Variants in DLGAP2 observed in about 807,000 individuals in gnomAD.
DLGAP2 encodes disks large-associated protein 2.
Under a neutral mutation model 100.3 loss-of-function variants are expected in DLGAP2, and 26 were observed. That is an observed-to-expected ratio of 0.26 (90% CI 0.19 to 0.36). The LOEUF is 0.36. Ranked by LOEUF, DLGAP2 falls within the 10% of genes least tolerant of loss-of-function variation. DLGAP2 has a pLI of 1.00. For missense variants in DLGAP2, 1,858 were observed against 1,453.2 expected (o/e 1.28, Z -4.53); for synonymous variants, 886 against 630.1 (o/e 1.41, Z -6.08).
At position 1,524,749 on chromosome 8, in the gene DLGAP2, C is replaced by T. The variant is rs183467218; in HGVS notation, c.172+23318C>T. 3.8e-4 allele frequency among the ~76,000 whole-genome samples: 58 copies of T among 152,230 alleles called. 1 individual carries two copies. The East Asian group carries it at 0.01, about 27-fold the overall frequency. On this transcript the variant is annotated intron_variant, in intron 4 of 14. Transcript: ENST00000637795. ...CAGTGAGAGGGACACAGTCATCGGA[C>T]CAGCTTACAGTCTTCCCACCGCCTT...
chr8:1,683,876 GT>G (rs1766026558), intron 12 of DLGAP2, among the ~76,000 whole-genome samples: 1 of 103,592 alleles, frequency 9.7e-6, no homozygotes, highest in Non-Finnish European at 1.9e-5. Context: ...GTGTGTGTGT[GT>G]GTGTGTGTGT....
intron 2 of DLGAP2, among the ~76,000 whole-genome samples, chr8:1,231,831 G>T (rs1281481545): frequency 6.6e-6 from 1 of 152,150 alleles, no homozygotes; most frequent in African/African-American, 2.4e-5. Flanking sequence ...GGGAGGAAGT[G>T]TTGGAAAACT....
At position 1,187,988 on chromosome 8, in the gene DLGAP2, T is replaced by C. The variant is rs113119724; in HGVS notation, c.74-70863T>C. On this transcript the variant is annotated intron_variant, in intron 2 of 14. Transcript: ENST00000637795. ...CGGAATCTCAAACGCCTGGGACCTC[T>C]GTGACGTTTGCCTCACGGAATCTCA... is the stretch of plus-strand genomic sequence containing the variant. Among the ~76,000 whole-genome samples, 85 of 104,610 alleles carry C rather than the reference T, an allele frequency of 8.1e-4. 7 individuals are homozygous for C. The highest frequency in any genetic ancestry group is 3.1e-3 in the African/African-American group (53 of 17,238). The allele number at this position is 104,610 out of a possible 152,430, so 68.6% of individuals were successfully genotyped here. A position where few individuals can be genotyped will look rare whatever the true frequency, so the allele number is the denominator to read the frequency against.
chr8:1,118,017 A>G (rs776979061), intron 2 of DLGAP2, among the ~76,000 whole-genome samples: 1 of 152,214 alleles, frequency 6.6e-6, no homozygotes, highest in African/African-American at 2.4e-5. Context: ...GTTAATATTG[A>G]TATGCTTTCA....
At chr8:1,058,838 A>C (rs1377782744) in intron 2 of DLGAP2, among the ~76,000 whole-genome samples, 1 of 152,230 alleles carries the variant, frequency 6.6e-6, no homozygotes, top group African/African-American at 2.4e-5. Context: ...GTGTGACTTC[A>C]TGTGAGTTCC....
At chr8:1,004,688 G>T (rs1164387583) in intron 2 of DLGAP2, among the ~76,000 whole-genome samples, 2 of 152,166 alleles carry the variant, frequency 1.3e-5, no homozygotes, top group East Asian at 1.9e-4. Flanking sequence ...TCTTAGGAAG[G>T]TGGGAGTGTC....
intron 2 of DLGAP2, among the ~76,000 whole-genome samples, chr8:1,246,154 T>A (rs977980818): frequency 6.6e-6 from 1 of 152,220 alleles, no homozygotes; most frequent in Admixed American, 6.5e-5. Flanking sequence ...GAATGCTTTG[T>A]AATTACTCCA....
At chr8:1,052,723 A>G (rs1182464421) in intron 2 of DLGAP2, among the ~76,000 whole-genome samples, 5 of 152,136 alleles carry the variant, frequency 3.3e-5, no homozygotes, top group Non-Finnish European at 7.4e-5. Flanking sequence ...TCATCTGGGT[A>G]ATACAGGGAG....
At chr8:1,466,030 G>A (rs570604513) in intron 3 of DLGAP2, among the ~76,000 whole-genome samples, 3 of 152,306 alleles carry the variant, frequency 2.0e-5, no homozygotes, top group South Asian at 2.1e-4. Context: ...GGCGGGCACC[G>A]TGGGCGAAAG....
At chr8:1,338,333 A>G (rs1416026882) in intron 3 of DLGAP2, among the ~76,000 whole-genome samples, 1 of 152,218 alleles carries the variant, frequency 6.6e-6, no homozygotes, top group Non-Finnish European at 1.5e-5. Flanking sequence ...CACACGTATG[A>G]TGGAGCCCAC....
intron 2 of DLGAP2, among the ~76,000 whole-genome samples, chr8:1,235,120 C>T (rs539121993): frequency 3.3e-5 from 1 of 30,448 alleles, no homozygotes; most frequent in Non-Finnish European, 8.4e-5. Context: ...TCACACATGG[C>T]GTCGTGTCTG....
chr8:907,247 T>A (rs1798399487), intron 1 of DLGAP2, among the ~76,000 whole-genome samples: 1 of 152,240 alleles, frequency 6.6e-6, no homozygotes, highest in South Asian at 2.1e-4. Flanking sequence ...CAGCTTTTCC[T>A]CTAATTGAGT....
rs146138313 is a variant in DLGAP2, at chr8:950,984, C to T, written c.73+43018C>T. On this transcript the variant is annotated intron_variant, in intron 2 of 14. Transcript: ENST00000637795. Reference sequence around the variant, plus strand: ...CCAAGGAAAAATTCACCTGTATCTCCTGCCCTGCAGTAATCACTTTGATTA... The same window carrying T: ...CCAAGGAAAAATTCACCTGTATCTCTTGCCCTGCAGTAATCACTTTGATTA... Among the ~76,000 whole-genome samples the T allele has an allele frequency of 2.2e-4, 34 of 152,272 alleles. 1 individual carries two copies. Among genetic ancestry groups the T allele is most frequent in the African/African-American group, 7.7e-4 (32 of 41,534 alleles).
intron 3 of DLGAP2, among the ~76,000 whole-genome samples, chr8:1,287,432 TG>T (rs1799951457): frequency 7.3e-6 from 1 of 137,454 alleles, no homozygotes; most frequent in African/African-American, 2.8e-5. Flanking sequence ...CGTGTGTGTG[TG>T]TGTGTGGTTG....
At chr8:1,130,865 C>G (rs1300518638) in intron 2 of DLGAP2, among the ~76,000 whole-genome samples, 1 of 138,600 alleles carries the variant, frequency 7.2e-6, no homozygotes, top group African/African-American at 2.5e-5. Flanking sequence ...GGTGGCCTCT[C>G]TTCATAGCAT....
intron 3 of DLGAP2, among the ~76,000 whole-genome samples, chr8:1,488,747 G>A (rs77622008): frequency 0.022 from 3,377 of 152,256 alleles, 154 homozygotes; most frequent in African/African-American, 0.077. Context: ...GCATGACGAC[G>A]TTTTATCTTC....
chr8:1,334,419 C>T (rs531004073), intron 3 of DLGAP2, among the ~76,000 whole-genome samples: 4 of 152,276 alleles, frequency 2.6e-5, no homozygotes, highest in Admixed American at 6.5e-5. Flanking sequence ...GTCAAGGAGT[C>T]GGTGAATTTT....
intron 2 of DLGAP2, among the ~76,000 whole-genome samples, chr8:1,212,234 C>T (rs1280055882): frequency 6.6e-6 from 1 of 152,192 alleles, no homozygotes; most frequent in Non-Finnish European, 1.5e-5. Context: ...TTGTCTCATC[C>T]TTCGGATACC....
chr8:1,288,634 AGTGT>A (rs1381403427), intron 3 of DLGAP2, among the ~76,000 whole-genome samples: 2 of 117,806 alleles, frequency 1.7e-5, no homozygotes, highest in Non-Finnish European at 3.3e-5. Flanking sequence ...GTTTCATTTC[AGTGT>A]GTGTGTGTAC....
Sources: gnomAD v4.1 joint callset for allele counts (sites outside exome capture counted in the v4.1 genomes callset) on GRCh38, gnomAD v4.1.1 for gene constraint, MANE v1.5 for transcripts, NCBI Gene and HGNC (gene_info 2026-07-23, HGNC 2026-07-21) for gene names.